LRP1B: variants seen among roughly 807,000 people sequenced by gnomAD.
LRP1B encodes the protein low-density lipoprotein receptor-related protein 1B.
LRP1B carries 217 observed loss-of-function variants against 556.6 expected under a neutral mutation model. The observed-to-expected ratio is 0.39, with a 90% CI of 0.35 to 0.44. The LOEUF is 0.44. Among genes scored for constraint, LRP1B ranks in the 20% least tolerant of loss-of-function variants. The pLI is 1.00. For synonymous variants in LRP1B, 2,047 were observed against 1,865.8 expected (o/e 1.10, Z -2.50); for missense variants, 5,053 against 5,620.8 (o/e 0.90, Z 3.23).
At chr2:140,650,062 G>T (rs917285071) in intron 41 of LRP1B, among the ~76,000 whole-genome samples, 17 of 151,898 alleles carry the variant, frequency 1.1e-4, no homozygotes, top group Non-Finnish European at 2.2e-4. Context: ...TGATCATAAA[G>T]AAATATATAT....
intron 35 of LRP1B, among the ~76,000 whole-genome samples, chr2:140,768,881 A>C (rs1689204969): frequency 6.6e-6 from 1 of 152,044 alleles, no homozygotes; most frequent in East Asian, 1.9e-4. Context: ...ATAGATCAAA[A>C]TGCTTTGTAT....
intron 3 of LRP1B, among the ~76,000 whole-genome samples, chr2:141,415,264 C>A (rs530534950): frequency 6.6e-6 from 1 of 152,176 alleles, no homozygotes; most frequent in African/African-American, 2.4e-5. Flanking sequence ...CCGCCTGCCT[C>A]GGCCTCCCAA....
At chr2:140,321,013 G>A (rs1316749220) in intron 82 of LRP1B, among the ~76,000 whole-genome samples, 3 of 152,034 alleles carry the variant, frequency 2.0e-5, no homozygotes, top group East Asian at 1.9e-4. Flanking sequence ...CCGAGATCAT[G>A]CCACTGCACT....
intron 1 of LRP1B, among the ~76,000 whole-genome samples, chr2:141,934,129 G>T (rs1700573696): frequency 6.6e-6 from 1 of 152,110 alleles, no homozygotes; most frequent in Non-Finnish European, 1.5e-5. Flanking sequence ...ATTTAGATAT[G>T]AAAAATATTG....
In LRP1B at chr2:141,616,150, C is replaced by A. The variant is rs1007123261; in HGVS notation, c.206-135617G>T. Among the ~76,000 whole-genome samples the A allele has an allele frequency of 2.0e-5, 3 of 151,982 alleles. No individual in the cohort carries two copies. In the East Asian group the frequency reaches 5.8e-4, roughly 29 times the overall value. On this transcript the variant is annotated intron_variant, in intron 2 of 90. Coordinates refer to ENST00000389484, the MANE Select transcript of LRP1B (RefSeq NM_018557.3). ...TACAAACATTAGCTGGGTGTGGTGG[C>A]GTGTGCCTGTAGTCCTAGCTACTGG...
chr2:140,509,022 T>A (rs1406095320), intron 52 of LRP1B, among the ~76,000 whole-genome samples: 1 of 151,200 alleles, frequency 6.6e-6, no homozygotes, highest in African/African-American at 2.5e-5. Context: ...AGTTTTCTTT[T>A]TTCTTTTCTA....
Position 140,352,976 on chromosome 2 carries a change from C to A in LRP1B, c.11627G>T (p.Arg3876Ile), listed in dbSNP as rs770805578. ...KCVCDQNFQE[R>I]NNTCIAEGSE... ...ACCTTCTGCTATGCAGGTGTTATTT[C>A]TTTCTTGAAAATTCTGGTCACACAC... Residue 3876 changes from arginine (R) to isoleucine (I), a missense_variant, in exon 76 of 91, where the codon AGA becomes ATA. Transcript: ENST00000389484. 6.2e-7 allele frequency: 1 copy of A among 1,612,508 alleles called. No homozygotes were observed.
intron 2 of LRP1B, among the ~76,000 whole-genome samples, chr2:141,810,035 A>G (rs1178092658): frequency 1.3e-5 from 2 of 151,514 alleles, no homozygotes; most frequent in Non-Finnish European, 2.9e-5. Context: ...TCTCCTTCAC[A>G]TACTCATATT....
chr2:141,168,163 C>G (rs1680347550), intron 7 of LRP1B, among the ~76,000 whole-genome samples: 1 of 151,844 alleles, frequency 6.6e-6, no homozygotes. Context: ...TCCATAAAGT[C>G]AAGTGATATG....
chr2:141,124,695 A>AAAGAGCCC (rs1272631373), intron 7 of LRP1B, among the ~76,000 whole-genome samples: 2 of 151,398 alleles, frequency 1.3e-5, no homozygotes, highest in Non-Finnish European at 2.9e-5. Flanking sequence ...AAAATACTTT[A>AAAGAGCCC]AAGAGCCCAT....
rs184319016 is a variant in LRP1B at position 141,300,890 on chromosome 2, C to A, written c.344-46249G>T. ...CAGTGTTGTTTCTTTATAGAGTCCTCAGGTGTTGAGAGAATGAACAGTGTT... is the reference window on the plus strand; with the variant it reads ...CAGTGTTGTTTCTTTATAGAGTCCTAAGGTGTTGAGAGAATGAACAGTGTT... On this transcript the variant is annotated intron_variant, in intron 3 of 90. Transcript: ENST00000389484. Among the ~76,000 whole-genome samples, 12 of 152,124 alleles carry A rather than the reference C, an allele frequency of 7.9e-5. No individual in the cohort carries two copies. In the East Asian group the frequency reaches 2.3e-3, roughly 29 times the overall value.
intron 7 of LRP1B, among the ~76,000 whole-genome samples, chr2:141,067,655 T>TA (rs761418143): frequency 6.6e-6 from 1 of 152,016 alleles, no homozygotes; most frequent in Non-Finnish European, 1.5e-5. Context: ...GAGGCAGCCC[T>TA]ATGCGCAGTA....
chr2:141,983,016 A>G (rs563909065), intron 1 of LRP1B, among the ~76,000 whole-genome samples: 19 of 152,312 alleles, frequency 1.2e-4, no homozygotes, highest in Middle Eastern at 3.4e-3. Flanking sequence ...GAGAAAAAAT[A>G]TAAAAACACT....
chr2:140,612,977 C>T (rs12623440), intron 41 of LRP1B, among the ~76,000 whole-genome samples: 38,641 of 149,374 alleles, frequency 0.26, 5,141 homozygotes, highest in East Asian at 0.3. Flanking sequence ...TTATTTGCCA[C>T]CCAGCAAGTT....
At chr2:141,315,874 A>C in intron 3 of LRP1B, among the ~76,000 whole-genome samples, 1 of 53,948 alleles carries the variant, frequency 1.9e-5, no homozygotes, top group South Asian at 6.4e-4. Context: ...CTCTATCTTT[A>C]GTCTGGTCTT....
intron 1 of LRP1B, among the ~76,000 whole-genome samples, chr2:141,843,976 A>G (rs943138427): frequency 2.0e-5 from 3 of 152,098 alleles, no homozygotes; most frequent in Admixed American, 6.6e-5. Context: ...TGGGGATCCT[A>G]AGGCTTTCAT....
intron 87 of LRP1B, among the ~76,000 whole-genome samples, chr2:140,243,538 G>A (rs964666226): frequency 6.6e-6 from 1 of 151,190 alleles, no homozygotes; most frequent in Non-Finnish European, 1.5e-5. Context: ...TTTGTTTATA[G>A]ATATGTATAA....
At chr2:142,120,440 G>C (rs768863858) in intron 1 of LRP1B, among the ~76,000 whole-genome samples, 2 of 152,044 alleles carry the variant, frequency 1.3e-5, no homozygotes, top group African/African-American at 2.4e-5. Context: ...GAATTTCCAG[G>C]GAGGGTGATG....
chr2:140,554,556 A>G (rs144721056), intron 43 of LRP1B, among the ~76,000 whole-genome samples: 1 of 152,022 alleles, frequency 6.6e-6, no homozygotes, highest in Non-Finnish European at 1.5e-5. Context: ...CAGCTGCCCA[A>G]GGTAAAATGG....
Sources: gnomAD v4.1 joint callset for allele counts (sites outside exome capture counted in the v4.1 genomes callset) on GRCh38, gnomAD v4.1.1 for gene constraint, MANE v1.5 for transcripts, NCBI Gene and HGNC (gene_info 2026-07-23, HGNC 2026-07-21) for gene names.